MAP2: variants seen among roughly 807,000 people sequenced by gnomAD.
MAP2 encodes the protein microtubule associated protein 2.
In MAP2, 14 loss-of-function variants were observed where a neutral mutation model predicts 137.6. That is an observed-to-expected ratio of 0.10 (90% CI 0.07 to 0.16). The LOEUF (loss-of-function observed/expected upper bound fraction) is 0.16, where lower values mean the gene tolerates loss of function less well. Ranked by LOEUF, MAP2 falls within the 10% of genes least tolerant of loss-of-function variation. The pLI, the probability that MAP2 is intolerant of heterozygous loss-of-function variation, is 1.00. For missense variants in MAP2, 2,088 were observed against 2,191.5 expected (o/e 0.95, Z 0.94); for synonymous variants, 786 against 782.3 (o/e 1.00, Z -0.08).
intron 2 of MAP2, among the ~76,000 whole-genome samples, chr2:209,574,393 G>A (rs955628822): frequency 1.3e-5 from 2 of 151,440 alleles, no homozygotes; most frequent in Non-Finnish European, 2.9e-5. Context: ...TGTGGCAAAT[G>A]GCAAGATCCT....
chr2:209,477,115 C>G (rs745423273), intron 1 of MAP2, among the ~76,000 whole-genome samples: 15 of 152,158 alleles, frequency 9.9e-5, no homozygotes, highest in Non-Finnish European at 4.4e-5. Context: ...AGTCTTGCAA[C>G]AGAGCCACCT....
At chr2:209,456,893 G>A (rs1701660686) in intron 1 of MAP2, among the ~76,000 whole-genome samples, 1 of 152,124 alleles carries the variant, frequency 6.6e-6, no homozygotes, top group Non-Finnish European at 1.5e-5. Flanking sequence ...TTTGTGTCAT[G>A]GTCTTTGTTA....
intron 1 of MAP2, among the ~76,000 whole-genome samples, chr2:209,476,629 G>T (rs1323373082): frequency 6.6e-6 from 1 of 152,044 alleles, no homozygotes; most frequent in East Asian, 1.9e-4. Flanking sequence ...TTTATGTCTT[G>T]AAAAATATAC....
chr2:209,697,664 A>G (rs1300403178), intron 10 of MAP2, among the ~76,000 whole-genome samples: 1 of 152,140 alleles, frequency 6.6e-6, no homozygotes, highest in Non-Finnish European at 1.5e-5. Flanking sequence ...AATTAACAAG[A>G]TTTTCACTCT....
chr2:209,570,759 A>C (rs144725233), intron 2 of MAP2, among the ~76,000 whole-genome samples: 2 of 151,948 alleles, frequency 1.3e-5, no homozygotes, highest in Non-Finnish European at 2.9e-5. Flanking sequence ...ACCTAAAAGG[A>C]AATGTAAGAT....
intron 11 of MAP2, 130 bp downstream of exon 11, chr2:209,700,468 G>A: frequency 2.8e-6 from 2 of 702,362 alleles, no homozygotes; most frequent in Non-Finnish European, 4.6e-6. Flanking sequence ...CGCTCACCCA[G>A]AAGATTCTCC....
chr2:209,531,975 AC>A (rs1442026566), intron 2 of MAP2, among the ~76,000 whole-genome samples: 1 of 152,138 alleles, frequency 6.6e-6, no homozygotes, highest in Non-Finnish European at 1.5e-5. Context: ...ATGGTGGCTC[AC>A]GCCTGAAATC....
At chr2:209,566,874 A>G (rs866183453) in intron 2 of MAP2, among the ~76,000 whole-genome samples, 20 of 152,260 alleles carry the variant, frequency 1.3e-4, no homozygotes, top group Middle Eastern at 3.4e-3. Context: ...ATCCGCCATC[A>G]ATCAATCATA....
intron 1 of MAP2, among the ~76,000 whole-genome samples, chr2:209,468,391 C>G (rs896647501): frequency 2.9e-4 from 42 of 144,594 alleles, no homozygotes; most frequent in Admixed American, 2.7e-3. Flanking sequence ...TGCGATCTCG[C>G]TCACTGCAAG....
At chr2:209,698,279 T>C (rs1318917660) in intron 10 of MAP2, among the ~76,000 whole-genome samples, 1 of 152,208 alleles carries the variant, frequency 6.6e-6, no homozygotes, top group East Asian at 1.9e-4. Flanking sequence ...CCAACTTTTT[T>C]CTAAATTTCA....
At chr2:209,641,625 C>T (rs56775639) in intron 4 of MAP2, among the ~76,000 whole-genome samples, 23,485 of 150,220 alleles carry the variant, frequency 0.16, 2,597 homozygotes, top group African/African-American at 0.31. Flanking sequence ...GTTACTTATT[C>T]CACAATATCT....
chr2:209,630,302 C>T (rs181213076), intron 4 of MAP2, among the ~76,000 whole-genome samples: 4 of 152,050 alleles, frequency 2.6e-5, no homozygotes, highest in African/African-American at 4.8e-5. Flanking sequence ...CTCCTCAGCC[C>T]GATCCCTCTG....
At chr2:209,495,480 A>G (rs914912714) in intron 1 of MAP2, among the ~76,000 whole-genome samples, 1 of 152,218 alleles carries the variant, frequency 6.6e-6, no homozygotes, top group African/African-American at 2.4e-5. Context: ...CAAAGCTTCC[A>G]GAGGAAGGAG....
chr2:209,517,639 AT>A (rs1385865590), intron 2 of MAP2, among the ~76,000 whole-genome samples: 2 of 151,920 alleles, frequency 1.3e-5, no homozygotes, highest in Non-Finnish European at 2.9e-5. Context: ...TTATTTCATC[AT>A]TTTGACATAG....
At chr2:209,655,972 A>C (rs2095115826) in intron 5 of MAP2, among the ~76,000 whole-genome samples, 1 of 152,248 alleles carries the variant, frequency 6.6e-6, no homozygotes, top group Admixed American at 6.5e-5. Flanking sequence ...TTTCTTTTTA[A>C]TCATTTATAT....
chr2:209,585,268 C>T (rs1404453838), intron 3 of MAP2, among the ~76,000 whole-genome samples: 1 of 146,872 alleles, frequency 6.8e-6, no homozygotes, highest in Admixed American at 6.8e-5. Context: ...AAAAAAAAAG[C>T]AAAGAAAGAA....
chr2:209,549,228 A>G (rs558763016), intron 2 of MAP2, among the ~76,000 whole-genome samples: 17 of 152,256 alleles, frequency 1.1e-4, no homozygotes, highest in South Asian at 2.1e-4. Context: ...CTATCACTAA[A>G]CCTATCACTG....
intron 2 of MAP2, among the ~76,000 whole-genome samples, chr2:209,562,854 G>A (rs1397010398): frequency 6.6e-6 from 1 of 152,088 alleles, no homozygotes; most frequent in Non-Finnish European, 1.5e-5. Context: ...AGAATATAAA[G>A]CAGTTTTTAA....
intron 2 of MAP2, among the ~76,000 whole-genome samples, chr2:209,559,668 A>T (rs1444082221): frequency 2.0e-5 from 3 of 151,762 alleles, no homozygotes; most frequent in African/African-American, 7.3e-5. Context: ...TAAAGAGAAA[A>T]ACCAAATTTG....
Sources: allele counts gnomAD v4.1 joint callset (sites outside exome capture counted in the v4.1 genomes callset), GRCh38; gene constraint gnomAD v4.1.1; transcripts MANE v1.5; gene names NCBI Gene and HGNC (gene_info 2026-07-23, HGNC 2026-07-21).